The following TYW1 variants were observed in gnomAD, a reference collection of about 807,000 sequenced individuals.
TYW1 encodes tRNA-yW synthesizing protein 1 homolog.
In TYW1, 46 loss-of-function variants were observed where a neutral mutation model predicts 96.2. The observed-to-expected ratio is 0.48, with a 90% CI of 0.38 to 0.61. TYW1 has a LOEUF of 0.61. TYW1 is among the 20% of genes least tolerant of loss of function. The pLI, the probability that TYW1 is intolerant of heterozygous loss-of-function variation, is 0.00. For missense variants in TYW1, 684 were observed against 909.6 expected, an observed-to-expected ratio of 0.75 and a Z score of 3.19; for synonymous variants, 274 against 323.0, an observed-to-expected ratio of 0.85 and a Z score of 1.63.
At chr7:67,208,637 C>T (rs1170509044) in intron 15 of TYW1, among the ~76,000 whole-genome samples, 3 of 149,990 alleles carry the variant, frequency 2.0e-5, no homozygotes, top group Admixed American at 6.6e-5. Flanking sequence ...TTGCAGTGAG[C>T]CGAGATCGCG....
At chr7:67,032,891 T>G (rs1159647324) in intron 7 of TYW1, among the ~76,000 whole-genome samples, 7,738 of 93,298 alleles carry the variant, frequency 0.083, 518 homozygotes, top group East Asian at 0.22. Flanking sequence ...ATACCTTTTT[T>G]TTTTTTTTTT....
chr7:67,128,896 G>A (rs570995154), intron 13 of TYW1, among the ~76,000 whole-genome samples: 100 of 152,000 alleles, frequency 6.6e-4, no homozygotes, highest in Middle Eastern at 3.4e-3. Context: ...ACCATGTTGG[G>A]CAGGCTAGTC....
intron 13 of TYW1, among the ~76,000 whole-genome samples, chr7:67,156,710 T>G (rs1434671780): frequency 1.3e-5 from 2 of 152,078 alleles, no homozygotes; most frequent in Non-Finnish European, 2.9e-5. Flanking sequence ...GATGTGGAGA[T>G]GCAGGGGCTA....
At chr7:67,121,920 A>G (rs1197890374) in intron 13 of TYW1, among the ~76,000 whole-genome samples, 1 of 147,500 alleles carries the variant, frequency 6.8e-6, no homozygotes, top group Non-Finnish European at 1.5e-5. Context: ...GCTAAAAACC[A>G]ATTCCATCAA....
chr7:67,126,755 C>A (rs1330386494), intron 13 of TYW1, among the ~76,000 whole-genome samples: 5 of 147,764 alleles, frequency 3.4e-5, no homozygotes, highest in Non-Finnish European at 6.0e-5. Context: ...TCACTTTTTT[C>A]TCTTTTGCTA....
intron 11 of TYW1, among the ~76,000 whole-genome samples, chr7:67,094,756 A>G (rs1358997830): frequency 5.3e-5 from 8 of 151,916 alleles, no homozygotes. Context: ...TGTTCTAAGA[A>G]GAATGTGTGT....
At chr7:67,019,207 T>G (rs138873988) in intron 6 of TYW1, among the ~76,000 whole-genome samples, 1 of 152,358 alleles carries the variant, frequency 6.6e-6, no homozygotes, top group African/African-American at 2.4e-5. Flanking sequence ...AGAAGTGCTC[T>G]ACAGGCTCAC....
chr7:67,060,083 G>T (rs1795649907), intron 9 of TYW1, among the ~76,000 whole-genome samples: 1 of 142,378 alleles, frequency 7.0e-6, no homozygotes, highest in African/African-American at 2.5e-5. Context: ...CTGTAGTTAT[G>T]TTTTTTTTTT....
chr7:67,219,905 C>T (rs1326131381), intron 15 of TYW1, among the ~76,000 whole-genome samples: 7 of 114,876 alleles, frequency 6.1e-5, no homozygotes, highest in African/African-American at 2.3e-4. Context: ...TTTATTATTT[C>T]CTTCTGCTAG....
At chr7:67,137,666 G>A (rs865994930) in intron 13 of TYW1, among the ~76,000 whole-genome samples, 3 of 152,130 alleles carry the variant, frequency 2.0e-5, no homozygotes, top group African/African-American at 4.8e-5. Context: ...CTTGGTCTGC[G>A]TGGCTGAGCA....
chr7:67,135,302 G>GTTTT lies in TYW1; in HGVS notation c.1698+17701_1698+17704dup, dbSNP rs869257148. Among the ~76,000 whole-genome samples the GTTTT allele has an allele frequency of 1.3e-3, 145 of 111,814 alleles. 11 individuals carry two copies. The highest frequency in any genetic ancestry group is 2.5e-3 in the African/African-American group (66 of 26,330). 73.4% of individuals were successfully genotyped at this position (111,814 alleles called of 152,430 possible). ...TCTTTTTGAATATGATGTTAAAACA[G>GTTTT]TTTTTTTTTTTTTTTTTTTTGAGAC... On this transcript the variant is annotated intron_variant, in intron 13 of 15. Transcript: ENST00000359626.
chr7:67,235,186 C>A lies in TYW1; in HGVS notation c.1978-3122C>A, dbSNP rs58848117. ...TTTCAGCAAGCAACACTGGGATCCCCAAAGAGACTCCTCTACAGGGCCAAG... is the reference window on the plus strand; with the variant it reads ...TTTCAGCAAGCAACACTGGGATCCCAAAAGAGACTCCTCTACAGGGCCAAG... On this transcript the variant is annotated intron_variant, in intron 15 of 15. Coordinates refer to ENST00000359626, the MANE Select transcript of TYW1 (RefSeq NM_018264.4). 6.6e-4 allele frequency among the ~76,000 whole-genome samples: 101 copies of A among 151,948 alleles called. 1 individual carries two copies. The highest frequency in any genetic ancestry group is 1.3e-3 in the Admixed American group (20 of 15,266).
Position 67,057,968 on chromosome 7 carries a change from C to G in TYW1, c.1155+2081C>G, listed in dbSNP as rs530683677. Reference sequence around the variant, plus strand: ...GACATTTCTGCCAACCACAAGGTCACAAAGATATTCTAGATTTTCTTCTAG... The same window carrying G: ...GACATTTCTGCCAACCACAAGGTCAGAAAGATATTCTAGATTTTCTTCTAG... On this transcript the variant is annotated intron_variant, in intron 9 of 15. Coordinates refer to ENST00000359626, the MANE Select transcript of TYW1 (RefSeq NM_018264.4). Among the ~76,000 whole-genome samples, 3 of 152,308 alleles carry G rather than the reference C, an allele frequency of 2.0e-5. No homozygotes were observed. The South Asian group carries it at 6.2e-4, about 32-fold the overall frequency.
chr7:67,082,359 G>A (rs1189660573), intron 10 of TYW1, among the ~76,000 whole-genome samples: 2 of 152,176 alleles, frequency 1.3e-5, no homozygotes, highest in African/African-American at 4.8e-5. Context: ...CAGTAGTGTA[G>A]TAGTATAGTA....
At chr7:67,068,765 A>G (rs1168564765) in intron 10 of TYW1, among the ~76,000 whole-genome samples, 11 of 152,172 alleles carry the variant, frequency 7.2e-5, no homozygotes, top group East Asian at 3.9e-4. Context: ...TCCATTTCCA[A>G]TTTCCTGTTG....
intron 7 of TYW1, among the ~76,000 whole-genome samples, chr7:67,027,383 A>G (rs1794485632): frequency 1.3e-5 from 2 of 151,996 alleles, no homozygotes; most frequent in Admixed American, 1.3e-4. Context: ...CAATAAAAAA[A>G]ATTAAATTTA....
chr7:67,116,249 C>A (rs1797588622), intron 12 of TYW1, among the ~76,000 whole-genome samples: 1 of 151,494 alleles, frequency 6.6e-6, no homozygotes, highest in African/African-American at 2.4e-5. Context: ...TCACTTGAAC[C>A]CGGAGGCAGA....
chr7:67,030,737 A>AG (rs1320788771), intron 7 of TYW1, among the ~76,000 whole-genome samples: 2 of 152,156 alleles, frequency 1.3e-5, no homozygotes, highest in African/African-American at 2.4e-5. Context: ...GAAGGGTAAC[A>AG]GATGAGCCCT....
chr7:66,998,377 ACTTTTT>A (rs1446459610), intron 2 of TYW1, among the ~76,000 whole-genome samples, 182 bp downstream of exon 2: 1 of 152,192 alleles, frequency 6.6e-6, no homozygotes, highest in Non-Finnish European at 1.5e-5. Context: ...TAAGTTCTTT[ACTTTTT>A]CTTTGATAGG....
Sources: gnomAD v4.1 joint callset for allele counts (sites outside exome capture counted in the v4.1 genomes callset) on GRCh38, gnomAD v4.1.1 for gene constraint, MANE v1.5 for transcripts, NCBI Gene and HGNC (gene_info 2026-07-23, HGNC 2026-07-21) for gene names.